Variants in EPHA5 observed in about 807,000 individuals in gnomAD.
The protein encoded by EPHA5 is ephrin type-A receptor 5.
A neutral mutation model predicts 105.0 loss-of-function variants in EPHA5; 60 were observed. The ratio of observed to expected loss-of-function variants is 0.57; its 90% CI spans 0.46 to 0.71. The LOEUF is 0.71. Among genes scored for constraint, EPHA5 ranks in the 30% least tolerant of loss-of-function variants. The pLI, the probability that EPHA5 is intolerant of heterozygous loss-of-function variation, is 0.00. For missense variants in EPHA5, 1,218 were observed against 1,274.7 expected (o/e 0.96, Z 0.68); for synonymous variants, 513 against 449.1 (o/e 1.14, Z -1.80).
chr4:65,584,842 T>G (rs1325065438), intron 3 of EPHA5, among the ~76,000 whole-genome samples: 1 of 151,964 alleles, frequency 6.6e-6, no homozygotes, highest in Non-Finnish European at 1.5e-5. Context: ...CCTATTTAAT[T>G]ATTTATTTGT....
chr4:65,354,447 C>T (rs1723112191), intron 11 of EPHA5, among the ~76,000 whole-genome samples: 2 of 151,620 alleles, frequency 1.3e-5, no homozygotes, highest in Non-Finnish European at 3.0e-5. Flanking sequence ...AGACACACCC[C>T]TTTACTCTTT....
chr4:65,367,524 A>C, intron 8 of EPHA5, 100 bp from the exon 9 acceptor site: 1 of 1,074,088 alleles, frequency 9.3e-7, no homozygotes, highest in Non-Finnish European at 1.4e-6. Flanking sequence ...TGCAACCCTA[A>C]ACTGATTTTC....
intron 3 of EPHA5, among the ~76,000 whole-genome samples, chr4:65,523,571 G>T (rs1377968912): frequency 6.6e-6 from 1 of 152,008 alleles, no homozygotes; most frequent in Non-Finnish European, 1.5e-5. Context: ...AACATGCAAA[G>T]TGGAAGACAG....
chr4:65,443,501 T>C (rs1185462900), intron 5 of EPHA5, among the ~76,000 whole-genome samples: 2 of 151,856 alleles, frequency 1.3e-5, no homozygotes, highest in African/African-American at 4.8e-5. Flanking sequence ...CATTTCCAGG[T>C]TGAAGATAGG....
chr4:65,543,682 C>T (rs1336127344), intron 3 of EPHA5, among the ~76,000 whole-genome samples: 1 of 150,750 alleles, frequency 6.6e-6, no homozygotes, highest in Non-Finnish European at 1.5e-5. Context: ...TATTCTCATT[C>T]CACTACTGTT....
chr4:65,644,397 T>C (rs934582763), intron 1 of EPHA5, among the ~76,000 whole-genome samples: 7 of 152,030 alleles, frequency 4.6e-5, no homozygotes, highest in African/African-American at 1.4e-4. Flanking sequence ...TGGCCTCCTG[T>C]GCAACAGAAC....
At chr4:65,482,673 G>A (rs780550784) in intron 5 of EPHA5, among the ~76,000 whole-genome samples, 4 of 152,106 alleles carry the variant, frequency 2.6e-5, no homozygotes, top group Non-Finnish European at 5.9e-5. Flanking sequence ...GACCTACTTA[G>A]TCATGACCTG....
intron 8 of EPHA5, among the ~76,000 whole-genome samples, chr4:65,374,555 A>C (rs1026769763): frequency 2.0e-5 from 3 of 151,964 alleles, no homozygotes; most frequent in Non-Finnish European, 4.4e-5. Flanking sequence ...TGCTGAGCCA[A>C]GAATCTAGAT....
At chr4:65,444,223 A>C (rs948259925) in intron 5 of EPHA5, among the ~76,000 whole-genome samples, 2 of 152,132 alleles carry the variant, frequency 1.3e-5, no homozygotes, top group East Asian at 3.9e-4. Context: ...AAAATCACTT[A>C]CCCGTGCTGA....
At chr4:65,460,570 C>A (rs1437394796) in intron 5 of EPHA5, among the ~76,000 whole-genome samples, 1 of 151,010 alleles carries the variant, frequency 6.6e-6, no homozygotes. Context: ...GTAAAAAAGT[C>A]AAAAGTATAT....
intron 14 of EPHA5, among the ~76,000 whole-genome samples, chr4:65,341,216 C>T (rs564295929): frequency 2.6e-5 from 4 of 152,052 alleles, no homozygotes; most frequent in East Asian, 3.9e-4. Flanking sequence ...ATCCATATTA[C>T]AAATCTACAA....
chr4:65,416,105 G>A (rs1182394880), intron 6 of EPHA5, among the ~76,000 whole-genome samples: 1 of 151,898 alleles, frequency 6.6e-6, no homozygotes, highest in Non-Finnish European at 1.5e-5. Context: ...TTAAATGTCT[G>A]TTTGCTGATA....
chr4:65,493,274 C>A (rs1162699685), intron 4 of EPHA5, among the ~76,000 whole-genome samples: 1 of 152,146 alleles, frequency 6.6e-6, no homozygotes, highest in Non-Finnish European at 1.5e-5. Flanking sequence ...CAAAGTAGAA[C>A]TGTGAGACTA....
intron 1 of EPHA5, among the ~76,000 whole-genome samples, chr4:65,645,217 A>G (rs1748015991): frequency 6.6e-6 from 1 of 152,066 alleles, no homozygotes; most frequent in Admixed American, 6.6e-5. Context: ...CCTTGTCCTC[A>G]TTTTAGTTTT....
intron 1 of EPHA5, among the ~76,000 whole-genome samples, chr4:65,665,045 AAAT>A (rs1360812160): frequency 1.3e-5 from 2 of 151,966 alleles, no homozygotes; most frequent in African/African-American, 2.4e-5. Flanking sequence ...TAAATTGAAA[AAAT>A]AATGTCTAAA....
At chr4:65,399,748 G>A (rs1021736210) in intron 8 of EPHA5, among the ~76,000 whole-genome samples, 2 of 152,134 alleles carry the variant, frequency 1.3e-5, no homozygotes, top group Admixed American at 6.5e-5. Flanking sequence ...AATACAAAAA[G>A]TGAAGCTCTG....
chr4:65,591,555 A>T (rs1048440895), intron 3 of EPHA5, among the ~76,000 whole-genome samples: 1 of 151,438 alleles, frequency 6.6e-6, no homozygotes, highest in Non-Finnish European at 1.5e-5. Context: ...TTTATTTCAT[A>T]CTCCTTTCTC....
At chr4:65,446,584 G>A (rs770928180) in intron 5 of EPHA5, among the ~76,000 whole-genome samples, 47 of 152,282 alleles carry the variant, frequency 3.1e-4, no homozygotes, top group Middle Eastern at 3.4e-3. Flanking sequence ...TTCTGGACCT[G>A]AAGAATCAGG....
chr4:65,472,079 A>G (rs567266547), intron 5 of EPHA5, among the ~76,000 whole-genome samples: 8 of 152,206 alleles, frequency 5.3e-5, no homozygotes, highest in Non-Finnish European at 1.0e-4. Context: ...CTCCCAAGAT[A>G]CAATGGGGAT....
Sources: gnomAD v4.1 joint callset for allele counts (sites outside exome capture counted in the v4.1 genomes callset) on GRCh38, gnomAD v4.1.1 for gene constraint, MANE v1.5 for transcripts, NCBI Gene and HGNC (gene_info 2026-07-23, HGNC 2026-07-21) for gene names.